Variants in COP1 observed in about 807,000 individuals in gnomAD.
The protein encoded by COP1 is E3 ubiquitin-protein ligase COP1.
In COP1, 24 loss-of-function variants were observed where a neutral mutation model predicts 101.3. The ratio of observed to expected loss-of-function variants is 0.24; its 90% CI spans 0.17 to 0.33. The LOEUF (loss-of-function observed/expected upper bound fraction) is 0.33. Ranked by LOEUF, COP1 falls within the 10% of genes least tolerant of loss-of-function variation. The pLI is 1.00. For synonymous variants in COP1, 347 were observed against 341.9 expected (o/e 1.01, Z -0.17); for missense variants, 663 against 906.2 (o/e 0.73, Z 3.45).
intron 1 of COP1, among the ~76,000 whole-genome samples, chr1:176,199,517 ACAAG>A (rs1487536061): frequency 6.6e-6 from 1 of 152,228 alleles, no homozygotes; most frequent in African/African-American, 2.4e-5. Flanking sequence ...AAAACTAGAA[ACAAG>A]TCAAAAATCT....
chr1:176,170,495 CCAGGTG>C (rs1695873888), intron 3 of COP1, among the ~76,000 whole-genome samples: 1 of 152,120 alleles, frequency 6.6e-6, no homozygotes, highest in South Asian at 2.1e-4. Context: ...TCTTGGGTGA[CCAGGTG>C]CATTGTCAAT....
intron 11 of COP1, 67 bp downstream of exon 11, chr1:176,081,085 G>A: frequency 7.5e-7 from 1 of 1,333,938 alleles, no homozygotes; most frequent in South Asian, 1.3e-5. Context: ...TGGTATAAGT[G>A]CTTCTCAAAT....
intron 18 of COP1, among the ~76,000 whole-genome samples, chr1:175,953,474 T>C (rs768655985): frequency 3.9e-5 from 6 of 152,138 alleles, no homozygotes; most frequent in East Asian, 1.9e-4. Context: ...AAATACACTT[T>C]AGGCTGGGCG....
chr1:176,093,664 C>G (rs1459583002), intron 9 of COP1, among the ~76,000 whole-genome samples: 1 of 152,042 alleles, frequency 6.6e-6, no homozygotes, highest in Non-Finnish European at 1.5e-5. Flanking sequence ...ACGGTGAAAC[C>G]CCGTCTCTAC....
intron 15 of COP1, among the ~76,000 whole-genome samples, chr1:176,004,669 T>G (rs1040165088): frequency 6.6e-6 from 1 of 151,066 alleles, no homozygotes. Flanking sequence ...GATTTGTGTG[T>G]ATTGAACCAG....
Position 175,945,189 on chromosome 1 carries a change from G to A in COP1, c.2179-19C>T. The A allele has an allele frequency of 6.5e-7, 1 of 1,537,342 alleles. No individual in the cohort carries two copies. Among genetic ancestry groups the A allele is most frequent in the Non-Finnish European group, 8.9e-7 (1 of 1,122,096 alleles). On this transcript the variant is annotated intron_variant, in intron 19 of 19. Coordinates refer to ENST00000367669, the MANE Select transcript of COP1 (RefSeq NM_022457.7). Reference sequence around the variant, plus strand: ...CTAGCACCTAATTGGGGGGAAAAAAGGATCCATTTAATAAAATCATTTAAG... The same window carrying A: ...CTAGCACCTAATTGGGGGGAAAAAAAGATCCATTTAATAAAATCATTTAAG...
At chr1:176,096,861 G>A (rs1293909290) in intron 9 of COP1, among the ~76,000 whole-genome samples, 1 of 152,100 alleles carries the variant, frequency 6.6e-6, no homozygotes, top group Non-Finnish European at 1.5e-5. Flanking sequence ...CTTGTTTTAC[G>A]TCCTTCAGAG....
At chr1:176,158,987 T>C (rs1693898785) in intron 5 of COP1, among the ~76,000 whole-genome samples, 3 of 152,124 alleles carry the variant, frequency 2.0e-5, no homozygotes, top group African/African-American at 4.8e-5. Flanking sequence ...TACTTTAATG[T>C]AGAATGTGGT....
At chr1:176,124,096 T>C (rs780259980) in intron 8 of COP1, among the ~76,000 whole-genome samples, 2 of 152,146 alleles carry the variant, frequency 1.3e-5, no homozygotes, top group Non-Finnish European at 2.9e-5. Context: ...AGCAGTGATT[T>C]TAGATCTTTT....
intron 9 of COP1, among the ~76,000 whole-genome samples, chr1:176,093,468 G>A (rs1681725798): frequency 6.6e-6 from 1 of 151,936 alleles, no homozygotes; most frequent in Non-Finnish European, 1.5e-5. Flanking sequence ...CAGCAGTTTC[G>A]GTGGCTGAGG....
intron 1 of COP1, among the ~76,000 whole-genome samples, chr1:176,205,987 C>A (rs1166434269): frequency 6.6e-6 from 1 of 152,148 alleles, no homozygotes; most frequent in African/African-American, 2.4e-5. Context: ...AGTGGCCCAT[C>A]CTTTGAAATG....
chr1:176,003,656 G>C lies in COP1; in HGVS notation c.1730-14177C>G, dbSNP rs536486004. 2.8e-3 allele frequency among the ~76,000 whole-genome samples: 419 copies of C among 152,214 alleles called. 1 individual carries two copies. Among genetic ancestry groups the C allele is most frequent in the African/African-American group, 9.7e-3 (402 of 41,514 alleles). ...TCTCAGGTTTGTCAGAGATCAGATA[G>C]TTGTAGATACGTGGCGTTATTTCTG... On this transcript the variant is annotated intron_variant, in intron 15 of 19. Transcript: ENST00000367669.
At chr1:176,186,055 A>G (rs1365387998) in intron 1 of COP1, among the ~76,000 whole-genome samples, 1 of 152,150 alleles carries the variant, frequency 6.6e-6, no homozygotes, top group Non-Finnish European at 1.5e-5. Flanking sequence ...AATACATAAT[A>G]ATAAGAGGAC....
intron 9 of COP1, among the ~76,000 whole-genome samples, chr1:176,105,054 C>T (rs1224465850): frequency 6.6e-6 from 1 of 152,030 alleles, no homozygotes; most frequent in Admixed American, 6.6e-5. Flanking sequence ...GAAAGCTACC[C>T]TTTGTGAAAG....
At chr1:175,950,862 G>A (rs1196361205) in intron 18 of COP1, among the ~76,000 whole-genome samples, 1 of 152,112 alleles carries the variant, frequency 6.6e-6, no homozygotes. Flanking sequence ...AACATTTTTA[G>A]TAGCACACGT....
chr1:176,009,343 C>A (rs1366017899), intron 15 of COP1, among the ~76,000 whole-genome samples: 2 of 152,062 alleles, frequency 1.3e-5, no homozygotes, highest in African/African-American at 4.8e-5. Context: ...CATTTTAATA[C>A]ATAATTTCTC....
At chr1:176,077,017 G>A (rs1678164083) in intron 11 of COP1, among the ~76,000 whole-genome samples, 1 of 152,066 alleles carries the variant, frequency 6.6e-6, no homozygotes, top group African/African-American at 2.4e-5. Flanking sequence ...AAAGAGCCCT[G>A]GACCAGATGA....
At chr1:176,179,132 A>C (rs1438615866) in intron 2 of COP1, among the ~76,000 whole-genome samples, 1 of 152,026 alleles carries the variant, frequency 6.6e-6, no homozygotes, top group African/African-American at 2.4e-5. Context: ...CTCTACTAAA[A>C]ATACAAGAAT....
At chr1:175,986,841 C>T (rs1329432476) in intron 18 of COP1, 102 bp downstream of exon 18, 4 of 917,890 alleles carry the variant, frequency 4.4e-6, no homozygotes, top group African/African-American at 3.4e-5. Flanking sequence ...TTAAAAAGTA[C>T]ATACCACATA....
Sources: gnomAD v4.1 joint callset for allele counts (sites outside exome capture counted in the v4.1 genomes callset) on GRCh38, gnomAD v4.1.1 for gene constraint, MANE v1.5 for transcripts, NCBI Gene and HGNC (gene_info 2026-07-23, HGNC 2026-07-21) for gene names.